Variants in ROCK2 observed in about 807,000 individuals in gnomAD.
ROCK2 encodes Rho associated coiled-coil containing protein kinase 2, also known as rho-associated protein kinase 2.
In ROCK2, 61 loss-of-function variants were observed where a neutral mutation model predicts 195.1. The observed-to-expected ratio is 0.31, with a 90% confidence interval of 0.25 to 0.39. The LOEUF is 0.39. ROCK2 is among the 10% of genes least tolerant of loss of function. The pLI, the probability that ROCK2 is intolerant of heterozygous loss-of-function variation, is 1.00. For missense variants in ROCK2, 1,109 were observed against 1,637.4 expected (o/e 0.68, Z 5.57); for synonymous variants, 504 against 545.5 (o/e 0.92, Z 1.06).
At chr2:11,239,660 T>C (rs930975068) in intron 4 of ROCK2, among the ~76,000 whole-genome samples, 2 of 152,192 alleles carry the variant, frequency 1.3e-5, no homozygotes, top group African/African-American at 4.8e-5. Context: ...GCAAATAACA[T>C]GGAGTACATC....
At chr2:11,193,973 C>T (rs1366426897) in intron 29 of ROCK2, 116 bp from the exon 30 acceptor site, 3 of 480,894 alleles carry the variant, frequency 6.2e-6, no homozygotes, top group African/African-American at 6.0e-5. Flanking sequence ...ATGTTAGGAA[C>T]TCAGAATATT....
At chr2:11,276,015 G>A (rs994402735) in intron 3 of ROCK2, among the ~76,000 whole-genome samples, 1 of 152,010 alleles carries the variant, frequency 6.6e-6, no homozygotes, top group African/African-American at 2.4e-5. Flanking sequence ...ACTCTTTCAT[G>A]ATTTACAAAA....
At chr2:11,198,105 G>GT (rs1663706865) in intron 25 of ROCK2, among the ~76,000 whole-genome samples, 1 of 152,200 alleles carries the variant, frequency 6.6e-6, no homozygotes. Context: ...ACAGTGAAGA[G>GT]TATCTAGTAC....
At chr2:11,303,748 A>G (rs886560921) in intron 1 of ROCK2, among the ~76,000 whole-genome samples, 1 of 152,046 alleles carries the variant, frequency 6.6e-6, no homozygotes, top group Non-Finnish European at 1.5e-5. Context: ...ACAATTCACT[A>G]CAATCAGATC....
intron 1 of ROCK2, among the ~76,000 whole-genome samples, chr2:11,336,973 C>T (rs369589707): frequency 1.2e-4 from 19 of 152,110 alleles, no homozygotes; most frequent in African/African-American, 3.1e-4. Context: ...CCAGGCATGG[C>T]GGCTTGTGCC....
chr2:11,219,367 C>T (rs949181224), intron 9 of ROCK2, among the ~76,000 whole-genome samples: 15 of 129,970 alleles, frequency 1.2e-4, no homozygotes, highest in Non-Finnish European at 2.4e-4. Flanking sequence ...AAAAATTAGC[C>T]GGGCATGGTG....
intron 3 of ROCK2, among the ~76,000 whole-genome samples, chr2:11,252,141 T>G (rs555432455): frequency 6.6e-6 from 1 of 152,286 alleles, no homozygotes; most frequent in East Asian, 1.9e-4. Flanking sequence ...CCAGGCATGG[T>G]GGCTCACGCC....
intron 3 of ROCK2, among the ~76,000 whole-genome samples, chr2:11,277,003 A>G (rs1469163974): frequency 6.6e-6 from 1 of 152,178 alleles, no homozygotes; most frequent in Non-Finnish European, 1.5e-5. Context: ...TTTTAGGTTT[A>G]CAGAAAAACC....
At chr2:11,261,283 T>C (rs1666217248) in intron 3 of ROCK2, among the ~76,000 whole-genome samples, 1 of 152,224 alleles carries the variant, frequency 6.6e-6, no homozygotes, top group Admixed American at 6.5e-5. Flanking sequence ...ACCTTTATAA[T>C]TCGTTAGCAG....
intron 7 of ROCK2, among the ~76,000 whole-genome samples, chr2:11,224,028 T>C (rs542309174): frequency 2.0e-5 from 3 of 152,306 alleles, no homozygotes; most frequent in Admixed American, 1.3e-4. Flanking sequence ...GAGGATAAAA[T>C]GTGAACAACA....
intron 4 of ROCK2, among the ~76,000 whole-genome samples, chr2:11,247,148 G>A (rs1665645112): frequency 6.6e-6 from 1 of 152,010 alleles, no homozygotes; most frequent in Non-Finnish European, 1.5e-5. Context: ...GAAGCTTTCA[G>A]AATAGGCAAA....
At chr2:11,191,450 A>C (rs1663420054) in intron 32 of ROCK2, among the ~76,000 whole-genome samples, 4 of 152,190 alleles carry the variant, frequency 2.6e-5, no homozygotes, top group African/African-American at 9.7e-5. Flanking sequence ...AAGCTGGTCT[A>C]TGTTGCTGTT....
intron 9 of ROCK2, among the ~76,000 whole-genome samples, chr2:11,220,331 T>C (rs187926865): frequency 6.6e-6 from 1 of 152,122 alleles, no homozygotes; most frequent in Non-Finnish European, 1.5e-5. Flanking sequence ...TTTTCTTTTG[T>C]AAAGACAGGG....
intron 1 of ROCK2, among the ~76,000 whole-genome samples, chr2:11,295,085 A>G (rs1667469750): frequency 2.6e-5 from 4 of 151,928 alleles, no homozygotes; most frequent in Admixed American, 2.6e-4. Context: ...CACTGTGCCC[A>G]GCCTGCATTA....
chr2:11,271,251 A>G (rs922863525), intron 3 of ROCK2, among the ~76,000 whole-genome samples: 8 of 152,170 alleles, frequency 5.3e-5, no homozygotes, highest in Admixed American at 3.9e-4. Context: ...AAGCATGAGG[A>G]GATTTTTCTC....
intron 6 of ROCK2, among the ~76,000 whole-genome samples, chr2:11,226,362 T>C (rs1214911377): frequency 6.6e-6 from 1 of 152,212 alleles, no homozygotes; most frequent in East Asian, 1.9e-4. Context: ...ACTAAATCTG[T>C]CTCTGAGTTT....
chr2:11,322,800 A>G (rs2060634), intron 1 of ROCK2, among the ~76,000 whole-genome samples: 1 of 152,002 alleles, frequency 6.6e-6, no homozygotes, highest in African/African-American at 2.4e-5. Context: ...ACAGTTGTGA[A>G]GAGCTTCTTT....
At chr2:11,202,437 G>A (rs1004747413) in intron 20 of ROCK2, among the ~76,000 whole-genome samples, 6 of 151,562 alleles carry the variant, frequency 4.0e-5, no homozygotes, top group African/African-American at 1.5e-4. Context: ...CAAATCATTA[G>A]ATATAACAAA....
chr2:11,225,577 T>C (rs1326883877), intron 6 of ROCK2, among the ~76,000 whole-genome samples: 1 of 152,094 alleles, frequency 6.6e-6, no homozygotes, highest in Non-Finnish European at 1.5e-5. Flanking sequence ...TGGGCTCAAG[T>C]GATCTTCCTG....
Sources: gnomAD v4.1 joint callset for allele counts (sites outside exome capture counted in the v4.1 genomes callset) on GRCh38, gnomAD v4.1.1 for gene constraint, MANE v1.5 for transcripts, NCBI Gene and HGNC (gene_info 2026-07-23, HGNC 2026-07-21) for gene names.